The following CDH20 variants were observed in gnomAD, a reference collection of about 807,000 sequenced individuals.
The protein encoded by CDH20 is cadherin-20.
A neutral mutation model predicts 74.2 loss-of-function variants in CDH20; 29 were observed. The ratio of observed to expected loss-of-function variants is 0.39; its 90% CI spans 0.29 to 0.53. CDH20 has a LOEUF of 0.53. Ranked by LOEUF, CDH20 falls within the 20% of genes least tolerant of loss-of-function variation. The pLI, the probability that CDH20 is intolerant of heterozygous loss-of-function variation, is 0.69. For missense variants in CDH20, 988 were observed against 1,048.3 expected, an observed-to-expected ratio of 0.94 and a Z score of 0.79; for synonymous variants, 469 against 405.4, an observed-to-expected ratio of 1.16 and a Z score of -1.88.
intron 8 of CDH20, 24 bp downstream of exon 8, chr18:61,536,653 T>A: frequency 6.2e-7 from 1 of 1,608,248 alleles, no homozygotes; most frequent in Non-Finnish European, 8.5e-7. Flanking sequence ...TAAGTTGGTC[T>A]CCATGCAGTG....
Position 61,507,632 on chromosome 18 carries a change from T to C in CDH20, c.1017+72T>C, listed in dbSNP as rs898708801. The C allele has an allele frequency of 1.6e-5, 17 of 1,085,932 alleles. No individual in the cohort carries two copies. The Admixed American group carries it at 3.2e-4, about 20-fold the overall frequency. The allele number at this position is 1,085,932 out of a possible 1,614,324, so 67.3% of individuals were successfully genotyped here. A position where few individuals can be genotyped will look rare whatever the true frequency, so the allele number is the denominator to read the frequency against. ...GTTTATGAAATGCTAGTAAGGACTG[T>C]TGTATTATTGATATGCATTGCTTCA... On this transcript the variant is annotated intron_variant, in intron 6 of 11. Transcript: ENST00000262717.
intron 6 of CDH20, among the ~76,000 whole-genome samples, chr18:61,512,169 G>C (rs1911807437): frequency 6.6e-6 from 1 of 152,170 alleles, no homozygotes; most frequent in South Asian, 2.1e-4. Context: ...ACCCCACACT[G>C]ATTACTACCC....
At chr18:61,450,203 T>C (rs1909335264) in intron 1 of CDH20, among the ~76,000 whole-genome samples, 1 of 151,904 alleles carries the variant, frequency 6.6e-6, no homozygotes, top group African/African-American at 2.4e-5. Flanking sequence ...CCATCTCCCA[T>C]AGGGAAACTA....
intron 1 of CDH20, among the ~76,000 whole-genome samples, chr18:61,364,804 C>CT (rs753631833): frequency 4.4e-4 from 67 of 152,308 alleles, no homozygotes; most frequent in Non-Finnish European, 5.7e-4. Flanking sequence ...AGCCAAATAA[C>CT]CCTTTTTCTT....
chr18:61,550,786 G>A (rs1487071236), intron 11 of CDH20, among the ~76,000 whole-genome samples: 1 of 152,178 alleles, frequency 6.6e-6, no homozygotes, highest in African/African-American at 2.4e-5. Context: ...TTACAGGAAG[G>A]GAAGAGGGAT....
At chr18:61,519,885 T>G (rs183435815) in intron 6 of CDH20, among the ~76,000 whole-genome samples, 1 of 144,796 alleles carries the variant, frequency 6.9e-6, no homozygotes, top group Non-Finnish European at 1.5e-5. Flanking sequence ...ACATCTAACA[T>G]GCAAAGACAA....
chr18:61,374,473 A>C (rs1911147747), intron 1 of CDH20, among the ~76,000 whole-genome samples: 1 of 152,128 alleles, frequency 6.6e-6, no homozygotes, highest in Admixed American at 6.6e-5. Flanking sequence ...ATAGAAACAA[A>C]TTTGTGCACA....
intron 7 of CDH20, among the ~76,000 whole-genome samples, chr18:61,531,210 C>T (rs1465058981): frequency 6.6e-6 from 1 of 152,254 alleles, no homozygotes; most frequent in African/African-American, 2.4e-5. Context: ...GGAGGCTTCT[C>T]TGAGGAAGGC....
intron 1 of CDH20, among the ~76,000 whole-genome samples, chr18:61,419,973 T>C (rs1430518157): frequency 6.6e-6 from 1 of 151,988 alleles, no homozygotes; most frequent in African/African-American, 2.4e-5. Flanking sequence ...GCATGCAATA[T>C]GTACACAAGG....
chr18:61,341,477 T>C (rs116364348), intron 1 of CDH20, among the ~76,000 whole-genome samples: 1,844 of 152,098 alleles, frequency 0.012, 42 homozygotes, highest in African/African-American at 0.043. Flanking sequence ...GTATATGAAA[T>C]TGGGGGAGAC....
At chr18:61,439,667 A>G (rs965790528) in intron 1 of CDH20, among the ~76,000 whole-genome samples, 6 of 152,186 alleles carry the variant, frequency 3.9e-5, no homozygotes, top group African/African-American at 1.4e-4. Context: ...AGTAGCACAT[A>G]TGACTTTTTC....
At chr18:61,508,981 A>G (rs1189883211) in intron 6 of CDH20, among the ~76,000 whole-genome samples, 2 of 152,198 alleles carry the variant, frequency 1.3e-5, no homozygotes, top group Admixed American at 6.5e-5. Flanking sequence ...AGAATGGAAA[A>G]CCAAACATAT....
chr18:61,377,264 C>G (rs549555188), intron 1 of CDH20, among the ~76,000 whole-genome samples: 1 of 151,878 alleles, frequency 6.6e-6, no homozygotes, highest in Non-Finnish European at 1.5e-5. Flanking sequence ...ATTTCATGAC[C>G]ATATTTAGCC....
At chr18:61,387,821 G>A (rs909709899) in intron 1 of CDH20, among the ~76,000 whole-genome samples, 2 of 152,114 alleles carry the variant, frequency 1.3e-5, no homozygotes, top group African/African-American at 4.8e-5. Flanking sequence ...CCACGGTGGA[G>A]GAAACATTAG....
At chr18:61,505,263 A>G (rs1464965500) in intron 5 of CDH20, among the ~76,000 whole-genome samples, 7 of 151,988 alleles carry the variant, frequency 4.6e-5, no homozygotes, top group African/African-American at 1.5e-4. Context: ...TACCCCAAAC[A>G]TGGCAGCTTC....
At chr18:61,472,319 G>T (rs9955331) in intron 1 of CDH20, among the ~76,000 whole-genome samples, 1 of 151,364 alleles carries the variant, frequency 6.6e-6, no homozygotes, top group African/African-American at 2.4e-5. Flanking sequence ...CAAACCCCAC[G>T]GCATAGGCAG....
intron 2 of CDH20, among the ~76,000 whole-genome samples, chr18:61,492,855 C>T (rs926350903): frequency 2.6e-5 from 4 of 152,202 alleles, no homozygotes; most frequent in African/African-American, 4.8e-5. Flanking sequence ...CCCATTTTAT[C>T]CCCAAGGCCT....
intron 1 of CDH20, among the ~76,000 whole-genome samples, chr18:61,441,873 T>A (rs1245462717): frequency 6.6e-6 from 1 of 152,156 alleles, no homozygotes; most frequent in Non-Finnish European, 1.5e-5. Context: ...CTCCCTGTGT[T>A]ATGAAACTTA....
intron 1 of CDH20, among the ~76,000 whole-genome samples, chr18:61,400,958 A>T (rs1193734502): frequency 6.6e-6 from 1 of 152,154 alleles, no homozygotes; most frequent in African/African-American, 2.4e-5. Context: ...TGCTATTTAG[A>T]CTTAACCTTA....
Sources: gnomAD v4.1 joint callset for allele counts (sites outside exome capture counted in the v4.1 genomes callset) on GRCh38, gnomAD v4.1.1 for gene constraint, MANE v1.5 for transcripts, NCBI Gene and HGNC (gene_info 2026-07-23, HGNC 2026-07-21) for gene names.